Variants in FBXW7 observed in about 807,000 individuals in gnomAD.
The protein encoded by FBXW7 is F-box and WD repeat domain containing 7, also known as F-box/WD repeat-containing protein 7.
FBXW7 carries 11 observed loss-of-function variants against 86.3 expected under a neutral mutation model. The ratio of observed to expected loss-of-function variants is 0.13; its 90% CI spans 0.08 to 0.21. FBXW7 has a LOEUF of 0.21. Ranked by LOEUF, FBXW7 falls within the 10% of genes least tolerant of loss-of-function variation. The pLI is 1.00. For synonymous variants in FBXW7, 313 were observed against 297.9 expected, an observed-to-expected ratio of 1.05 and a Z score of -0.52; for missense variants, 488 against 847.4, an observed-to-expected ratio of 0.58 and a Z score of 5.27.
intron 6 of FBXW7, 38 bp downstream of exon 6, chr4:152,346,891 TA>T: frequency 6.2e-7 from 1 of 1,608,974 alleles, no homozygotes; most frequent in Non-Finnish European, 8.5e-7. Flanking sequence ...TTGCAGCAAT[TA>T]AGTGAGGCAT....
intron 2 of FBXW7, among the ~76,000 whole-genome samples, chr4:152,464,546 G>C (rs1295046453): frequency 6.6e-6 from 1 of 152,098 alleles, no homozygotes; most frequent in East Asian, 1.9e-4. Flanking sequence ...AAAATTACCA[G>C]GAAGGAACCT....
chr4:152,359,778 A>C (rs891972103), intron 4 of FBXW7, among the ~76,000 whole-genome samples: 23 of 152,298 alleles, frequency 1.5e-4, no homozygotes, highest in Non-Finnish European at 2.2e-4. Flanking sequence ...AACAAAAAAA[A>C]CCCACAAAGA....
chr4:152,402,031 T>C (rs1736978527), intron 4 of FBXW7, among the ~76,000 whole-genome samples: 1 of 152,128 alleles, frequency 6.6e-6, no homozygotes, highest in African/African-American at 2.4e-5. Flanking sequence ...AATGTAGAAA[T>C]AATTCATGTT....
intron 2 of FBXW7, among the ~76,000 whole-genome samples, chr4:152,522,460 C>T (rs1749110999): frequency 6.6e-6 from 1 of 152,146 alleles, no homozygotes; most frequent in African/African-American, 2.4e-5. Flanking sequence ...TATCAATAAT[C>T]AGCATGTATA....
chr4:152,510,541 C>T (rs927309483), intron 2 of FBXW7, among the ~76,000 whole-genome samples: 2 of 152,072 alleles, frequency 1.3e-5, no homozygotes, highest in African/African-American at 4.8e-5. Context: ...AAGAGGAGGG[C>T]GGTACATATG....
intron 4 of FBXW7, among the ~76,000 whole-genome samples, chr4:152,397,025 G>A (rs1000142655): frequency 3.9e-5 from 6 of 151,902 alleles, no homozygotes; most frequent in African/African-American, 1.2e-4. Flanking sequence ...AAGGAGGAGA[G>A]ACTTAAAAGA....
intron 2 of FBXW7, among the ~76,000 whole-genome samples, chr4:152,487,577 G>A (rs1745462972): frequency 6.6e-6 from 1 of 151,930 alleles, no homozygotes; most frequent in Admixed American, 6.6e-5. Context: ...AAACTTACAG[G>A]ATACCTTTAG....
At chr4:152,396,608 T>C (rs1378771349) in intron 4 of FBXW7, among the ~76,000 whole-genome samples, 1 of 152,048 alleles carries the variant, frequency 6.6e-6, no homozygotes, top group Non-Finnish European at 1.5e-5. Context: ...TTTCAACATA[T>C]CCAAATACTG....
At chr4:152,527,901 C>CACAT (rs71596295) in intron 2 of FBXW7, among the ~76,000 whole-genome samples, 1,638 of 149,234 alleles carry the variant, frequency 0.011, 14 homozygotes, top group African/African-American at 0.026. Flanking sequence ...CACACACACA[C>CACAT]ATATATATAC....
intron 4 of FBXW7, among the ~76,000 whole-genome samples, chr4:152,351,464 C>T (rs565566040): frequency 6.6e-6 from 1 of 152,150 alleles, no homozygotes; most frequent in Non-Finnish European, 1.5e-5. Context: ...ATACTCATTA[C>T]ATTGTTTTAA....
intron 2 of FBXW7, among the ~76,000 whole-genome samples, chr4:152,534,113 A>T (rs1344330321): frequency 6.6e-6 from 1 of 152,206 alleles, no homozygotes; most frequent in African/African-American, 2.4e-5. Context: ...AAGGTTTTAT[A>T]AACTTCAGCT....
chr4:152,382,091 T>G (rs1735128885), intron 4 of FBXW7: 2 of 796,836 alleles, frequency 2.5e-6, no homozygotes, highest in Middle Eastern at 2.4e-4. Context: ...AGTTTTAATT[T>G]TAAATAAAAA....
At chr4:152,328,488 T>A in intron 10 of FBXW7, 99 bp from the exon 11 acceptor site, 1 of 774,252 alleles carries the variant, frequency 1.3e-6, no homozygotes, top group Non-Finnish European at 2.0e-6. Flanking sequence ...GTTACTTATT[T>A]AATTTGTTTG....
chr4:152,352,482 C>A (rs1731910162), intron 4 of FBXW7: 1 of 1,613,822 alleles, frequency 6.2e-7, no homozygotes, highest in Non-Finnish European at 8.5e-7. Context: ...TGTAAAAAAT[C>A]ATTTTTAATG....
chr4:152,465,062 CCAAGGTGTATTATTGGTCAGCAGAGCAG>C (rs1230818495), intron 2 of FBXW7, among the ~76,000 whole-genome samples: 1 of 152,048 alleles, frequency 6.6e-6, no homozygotes, highest in Non-Finnish European at 1.5e-5. Flanking sequence ...ACCAGTATCT[CCAAGGTGTATTATTGGTCAGCAGAGCAG>C]CAAAGCAGGA....
chr4:152,381,249 G>T (rs1442697887), intron 4 of FBXW7, among the ~76,000 whole-genome samples: 1 of 151,998 alleles, frequency 6.6e-6, no homozygotes, highest in African/African-American at 2.4e-5. Context: ...TTCTTCCAGT[G>T]TTATGGATTA....
intron 2 of FBXW7, 171 bp from the exon 3 acceptor site, chr4:152,412,700 G>A (rs34594184): frequency 1.6e-4 from 24 of 151,984 alleles, no homozygotes; most frequent in African/African-American, 5.1e-4. Flanking sequence ...TAAACATGAC[G>A]TTCATAAAAT....
intron 2 of FBXW7, among the ~76,000 whole-genome samples, chr4:152,510,965 C>T (rs1401244947): frequency 6.6e-6 from 1 of 151,904 alleles, no homozygotes; most frequent in East Asian, 1.9e-4. Flanking sequence ...CCTACATATA[C>T]TAGGATCTCA....
Position 152,516,120 on chromosome 4 carries a change from C to T in FBXW7, c.-120+18821G>A, listed in dbSNP as rs74521865. ...TTCCTTAATTTCAGCCTAGTGAGAACCTGAGGAAAGACCCAGCTAAACCAT... is the reference window on the plus strand; with the variant it reads ...TTCCTTAATTTCAGCCTAGTGAGAATCTGAGGAAAGACCCAGCTAAACCAT... On this transcript the variant is annotated intron_variant, in intron 2 of 13. Coordinates refer to ENST00000281708, the MANE Select transcript of FBXW7 (RefSeq NM_001349798.2). 6.8e-3 allele frequency among the ~76,000 whole-genome samples: 1,031 copies of T among 152,266 alleles called. 11 individuals carry two copies. The highest frequency in any genetic ancestry group is 0.01 in the Middle Eastern group (3 of 294).
Sources: gnomAD v4.1 joint callset for allele counts (sites outside exome capture counted in the v4.1 genomes callset) on GRCh38, gnomAD v4.1.1 for gene constraint, MANE v1.5 for transcripts, NCBI Gene and HGNC (gene_info 2026-07-23, HGNC 2026-07-21) for gene names.